MLIP: variants seen among roughly 807,000 people sequenced by gnomAD.
MLIP encodes muscular LMNA-interacting protein.
MLIP carries 79 observed loss-of-function variants against 84.8 expected under a neutral mutation model. The observed-to-expected ratio is 0.93, with a 90% confidence interval of 0.78 to 1.12. The LOEUF is 1.12. Ranked by LOEUF, MLIP falls within the 50% of genes most tolerant of loss-of-function variation. The pLI is 0.00. For synonymous variants in MLIP, 504 were observed against 463.0 expected, an observed-to-expected ratio of 1.09 and a Z score of -1.14; for missense variants, 1,257 against 1,160.6, an observed-to-expected ratio of 1.08 and a Z score of -1.21.
intron 1 of MLIP, among the ~76,000 whole-genome samples, chr6:54,024,081 C>T (rs1209820965): frequency 1.3e-5 from 2 of 152,304 alleles, no homozygotes; most frequent in South Asian, 2.1e-4. Context: ...GGTGCAATCT[C>T]GGCTCACTGC....
chr6:54,076,996 G>C (rs1766844177), intron 1 of MLIP, among the ~76,000 whole-genome samples: 1 of 152,140 alleles, frequency 6.6e-6, no homozygotes, highest in Non-Finnish European at 1.5e-5. Context: ...AAAGGACTAG[G>C]GTGAATGATC....
chr6:54,039,581 G>A (rs1209690209), intron 1 of MLIP, among the ~76,000 whole-genome samples: 1 of 151,832 alleles, frequency 6.6e-6, no homozygotes, highest in Non-Finnish European at 1.5e-5. Context: ...TTTCAAATGA[G>A]CACATGAGAG....
chr6:54,124,256 C>T (rs1455487485), intron 2 of MLIP, among the ~76,000 whole-genome samples: 1 of 152,162 alleles, frequency 6.6e-6, no homozygotes, highest in Non-Finnish European at 1.5e-5. Flanking sequence ...ATGTTGATTA[C>T]TATCCCAAAA....
intron 12 of MLIP, among the ~76,000 whole-genome samples, chr6:54,248,731 C>T (rs1287164659): frequency 6.6e-6 from 1 of 152,036 alleles, no homozygotes; most frequent in African/African-American, 2.4e-5. Flanking sequence ...AGTTTTCCGT[C>T]ATATTTCAGA....
intron 11 of MLIP, among the ~76,000 whole-genome samples, chr6:54,223,492 C>T (rs1780362191): frequency 6.6e-6 from 1 of 151,978 alleles, no homozygotes; most frequent in Non-Finnish European, 1.5e-5. Context: ...TTCACCACAC[C>T]ATTTATTGAG....
upstream of MLIP, among the ~76,000 whole-genome samples, chr6:54,108,355 C>T (rs1235332429): frequency 6.6e-6 from 1 of 151,452 alleles, no homozygotes; most frequent in Non-Finnish European, 1.5e-5. Flanking sequence ...AGATTCTCTT[C>T]TCCTCTCCAC....
intron 3 of MLIP, 107 bp from the exon 4 acceptor site, chr6:54,136,608 G>T: frequency 9.2e-7 from 1 of 1,084,486 alleles, no homozygotes; most frequent in Non-Finnish European, 1.2e-6. Context: ...GGTTTAAGAT[G>T]CCTCCTTTTG....
At chr6:54,210,815 C>G (rs1378369577) in intron 11 of MLIP, among the ~76,000 whole-genome samples, 1 of 151,400 alleles carries the variant, frequency 6.6e-6, no homozygotes, top group Non-Finnish European at 1.5e-5. Context: ...ATCCAAATAT[C>G]AATTTTCCTT....
chr6:54,123,579 C>T (rs1770653067), intron 2 of MLIP, among the ~76,000 whole-genome samples: 1 of 152,146 alleles, frequency 6.6e-6, no homozygotes, highest in Non-Finnish European at 1.5e-5. Flanking sequence ...AATACATGCA[C>T]ACACAGTACA....
chr6:54,256,741 T>A (rs749245055), intron 12 of MLIP, among the ~76,000 whole-genome samples: 2 of 152,168 alleles, frequency 1.3e-5, no homozygotes, highest in Non-Finnish European at 2.9e-5. Context: ...CTCTATGATA[T>A]AAATTACATT....
intron 10 of MLIP, among the ~76,000 whole-genome samples, chr6:54,191,161 T>G (rs996649516): frequency 1.4e-4 from 22 of 152,198 alleles, no homozygotes; most frequent in Non-Finnish European, 2.6e-4. Flanking sequence ...AATAGATATC[T>G]TCACTAAAAT....
chr6:54,189,773 G>A lies in MLIP; in HGVS notation c.2545-97G>A. ...TTATACTTTTCAAAATCCTATCATG[G>A]ACATATAATAATAAACAAACTTCAA... On this transcript the variant is annotated intron_variant, in intron 9 of 13. Transcript: ENST00000502396. 3.5e-6 allele frequency: 3 copies of A among 862,944 alleles called. No homozygotes were observed. In the South Asian group the frequency reaches 4.6e-5, roughly 13 times the overall value. The allele number at this position is 862,944 out of a possible 1,614,324, so 53.5% of individuals were successfully genotyped here.
chr6:54,082,810 C>T (rs992731356), intron 1 of MLIP, among the ~76,000 whole-genome samples: 4 of 151,116 alleles, frequency 2.6e-5, no homozygotes, highest in African/African-American at 9.8e-5. Flanking sequence ...ATATAATTTG[C>T]AAATTATTTT....
chr6:54,051,330 A>T (rs57712770), intron 1 of MLIP, among the ~76,000 whole-genome samples: 18,257 of 146,638 alleles, frequency 0.12, 1,983 homozygotes, highest in African/African-American at 0.33. Flanking sequence ...AAATTGTTTA[A>T]TTTAATTTAA....
chr6:54,083,042 C>A (rs931610597), intron 1 of MLIP, among the ~76,000 whole-genome samples: 1 of 152,020 alleles, frequency 6.6e-6, no homozygotes, highest in African/African-American at 2.4e-5. Flanking sequence ...ATTTTTATTT[C>A]TTCAGTTCCT....
At chr6:54,190,386 A>G (rs1777795485) in intron 10 of MLIP, among the ~76,000 whole-genome samples, 1 of 152,226 alleles carries the variant, frequency 6.6e-6, no homozygotes, top group African/African-American at 2.4e-5. Context: ...TGTAAGCCAC[A>G]TATGTAATTT....
chr6:54,077,838 A>G (rs1766895918), intron 1 of MLIP, among the ~76,000 whole-genome samples: 1 of 152,214 alleles, frequency 6.6e-6, no homozygotes, highest in African/African-American at 2.4e-5. Context: ...GGCTCAAGAT[A>G]TGTGTTTTCT....
intron 13 of MLIP, among the ~76,000 whole-genome samples, chr6:54,264,220 T>A (rs1188569584): frequency 6.6e-6 from 1 of 152,022 alleles, no homozygotes; most frequent in Non-Finnish European, 1.5e-5. Context: ...AATTTTATAT[T>A]TCAGAGGGAA....
In MLIP at chr6:54,213,734, A is replaced by AAAAACC. The variant is rs368508685; in HGVS notation, c.2718+11503_2718+11504insAACCAA. Among the ~76,000 whole-genome samples, 60 of 82,360 alleles carry AAAAACC rather than the reference A, an allele frequency of 7.3e-4. 8 individuals are homozygous for AAAAACC. The highest frequency in any genetic ancestry group is 1.9e-3 in the African/African-American group (42 of 22,294). The allele number at this position is 82,360 out of a possible 152,430, so 54.0% of individuals were successfully genotyped here. A position where few individuals can be genotyped will look rare whatever the true frequency, so the allele number is the denominator to read the frequency against. ...AAAAAAAAAAAAAAAAAAAAAAAAA[A>AAAAACC]AACAACAAACAGCATATCTTGTATG... On this transcript the variant is annotated intron_variant, in intron 11 of 13. Coordinates refer to ENST00000502396, the MANE Select transcript of MLIP (RefSeq NM_001281747.2).
Sources: allele counts gnomAD v4.1 joint callset (sites outside exome capture counted in the v4.1 genomes callset), GRCh38; gene constraint gnomAD v4.1.1; transcripts MANE v1.5; gene names NCBI Gene and HGNC (gene_info 2026-07-23, HGNC 2026-07-21).